HIPK1: variants seen among roughly 807,000 people sequenced by gnomAD.
The protein encoded by HIPK1 is homeodomain-interacting protein kinase 1.
In HIPK1, 28 loss-of-function variants were observed where a neutral mutation model predicts 117.1. The observed-to-expected ratio is 0.24, with a 90% CI of 0.18 to 0.33. The LOEUF (loss-of-function observed/expected upper bound fraction) is 0.33, where lower values mean the gene tolerates loss of function less well. Ranked by LOEUF, HIPK1 falls within the 10% of genes least tolerant of loss-of-function variation. HIPK1 has a pLI of 1.00. For missense variants in HIPK1, 1,122 were observed against 1,475.1 expected, an observed-to-expected ratio of 0.76 and a Z score of 3.92; for synonymous variants, 605 against 562.5, an observed-to-expected ratio of 1.08 and a Z score of -1.07.
intron 1 of HIPK1, among the ~76,000 whole-genome samples, chr1:113,933,940 G>C (rs557129004): frequency 1.5e-4 from 23 of 152,248 alleles, no homozygotes; most frequent in African/African-American, 5.1e-4. Flanking sequence ...AGTAGGGGTG[G>C]AGAAAACTTA....
intron 1 of HIPK1, chr1:113,930,067 G>T: frequency 1.0e-6 from 1 of 964,050 alleles, no homozygotes; most frequent in Non-Finnish European, 1.2e-6. Flanking sequence ...TCCTCAAAGG[G>T]CCCCTGCCTG....
intron 6 of HIPK1, 56 bp downstream of exon 6, chr1:113,956,867 C>T: frequency 6.7e-7 from 1 of 1,490,576 alleles, no homozygotes; most frequent in Non-Finnish European, 9.3e-7. Flanking sequence ...GAGTTACCGC[C>T]TTATCAATGG....
In HIPK1 at chr1:113,941,561, T is replaced by C. The variant is rs146324685; in HGVS notation, c.1076+102T>C. ...ATATAGCAATGAATTTGTTTATAGA[T>C]TCTGAGATAGAAATAGGATATGTTT... On this transcript the variant is annotated intron_variant, in intron 2 of 15. Coordinates refer to ENST00000426820, the MANE Select transcript of HIPK1 (RefSeq NM_198268.3). The surrounding 1 kb of genome is among the most constrained non-coding windows in gnomAD (Gnocchi z 4.9). 1.7e-4 allele frequency: 150 copies of C among 880,864 alleles called. 1 individual carries two copies. In the African/African-American group the frequency reaches 2.3e-3, roughly 14 times the overall value. 54.6% of individuals were successfully genotyped at this position (880,864 alleles called of 1,614,324 possible).
chr1:113,935,031 A>T (rs1448886497), intron 1 of HIPK1, among the ~76,000 whole-genome samples: 4 of 144,286 alleles, frequency 2.8e-5, no homozygotes, highest in Admixed American at 2.1e-4. Flanking sequence ...TTTTTTTTTT[A>T]AACCTTTATT....
rs765342774 is a variant in HIPK1 at position 113,967,768 on chromosome 1, A to T, written c.2384A>T (p.Asn795Ile). ...TCTCTTTCTTTCTGTTGGTACAGGA[A>T]TGCCCACTCTCATGGCAACCAGTAC... ...GSGQQLADWR[N>I]AHSHGNQYST... Residue 795 changes from asparagine to isoleucine, a missense_variant and splice_region_variant, in exon 12 of 16, where the codon AAT (asparagine) becomes ATT (isoleucine). Physicochemically the swap from Asn to Ile is moderately radical, Grantham distance 149. This residue lies in a region of HIPK1 where 731 missense variants were observed against 860.4 expected (regional missense o/e 0.85). Transcript: ENST00000426820. The T allele has an allele frequency of 3.3e-6, 5 of 1,521,482 alleles. No homozygotes were observed. The highest frequency in any genetic ancestry group is 1.8e-4 in the Middle Eastern group (1 of 5,580). The allele number at this position is 1,521,482 out of a possible 1,614,324, so 94.2% of individuals were successfully genotyped here. A position where few individuals can be genotyped will look rare whatever the true frequency, so the allele number is the denominator to read the frequency against.
At chr1:113,934,419 G>A (rs537397387) in intron 1 of HIPK1, among the ~76,000 whole-genome samples, 1 of 152,126 alleles carries the variant, frequency 6.6e-6, no homozygotes, top group East Asian at 1.9e-4. Context: ...ACCATGCCAG[G>A]GAGTGGGAAA....
chr1:113,960,920 T>C (rs1350523511), intron 8 of HIPK1, among the ~76,000 whole-genome samples: 1 of 152,212 alleles, frequency 6.6e-6, no homozygotes. Context: ...GTTAGGTCTA[T>C]GAGTTATGCT....
In HIPK1 at chr1:113,950,135, A is replaced by G. The variant is rs560901226; in HGVS notation, c.1077-2631A>G. 1.4e-4 allele frequency among the ~76,000 whole-genome samples: 21 copies of G among 151,624 alleles called. No homozygotes were observed. The East Asian group carries it at 3.5e-3, about 25-fold the overall frequency. ...TAGGGGAGGATTTTTTTTTTCTTCT[A>G]TGCCTAGTTTGCTTAGATGGGGAGG... On this transcript the variant is annotated intron_variant, in intron 2 of 15. Transcript: ENST00000426820.
At chr1:113,953,508 A>C (rs865839370) in intron 3 of HIPK1, among the ~76,000 whole-genome samples, 4 of 151,876 alleles carry the variant, frequency 2.6e-5, no homozygotes, top group Non-Finnish European at 4.4e-5. Context: ...ATTTCTTGTT[A>C]TTTTTTCTTT....
At chr1:113,972,169 G>C (rs956139091) in intron 15 of HIPK1, 2 of 1,368,592 alleles carry the variant, frequency 1.5e-6, no homozygotes, top group East Asian at 2.6e-5. Flanking sequence ...TTTTCCATCA[G>C]ACCTCCCTAA....
chr1:113,944,903 A>G (rs1003516437), intron 2 of HIPK1, among the ~76,000 whole-genome samples: 7 of 152,178 alleles, frequency 4.6e-5, no homozygotes, highest in South Asian at 2.1e-4. Context: ...GCTGGGGTGC[A>G]GTTGTGCAAT....
At chr1:113,935,236 G>A (rs1000042630) in intron 1 of HIPK1, among the ~76,000 whole-genome samples, 1 of 152,074 alleles carries the variant, frequency 6.6e-6, no homozygotes, top group African/African-American at 2.4e-5. Context: ...GTGTCCATGT[G>A]TTCTCGTTCT....
rs1672729360 is a variant in HIPK1, at chr1:113,970,192, C to T, written c.3008C>T (p.Ala1003Val). ...GGTGACTGCACTGTAGCAACCCAGG[C>T]CTCAGGTCAGTGTTATCTTCACAGC... ...QLGDCTVATQ[A>V]SGLLSNKTKP... Residue 1003 changes from alanine to valine, a missense_variant, in exon 14 of 16, where the codon GCC becomes GTC. Physicochemically the swap from Ala to Val is moderately conservative, Grantham distance 64. This residue lies in a region of HIPK1 where 731 missense variants were observed against 860.4 expected (regional missense o/e 0.85). Coordinates refer to ENST00000426820, the MANE Select transcript of HIPK1 (RefSeq NM_198268.3). The T allele has an allele frequency of 6.2e-7, 1 of 1,614,002 alleles. No homozygotes were observed. The highest frequency in any genetic ancestry group is 1.3e-5 in the African/African-American group (1 of 74,922).
Position 113,966,112 on chromosome 1 carries a change from A to T in HIPK1, c.2239-18A>T. The T allele has an allele frequency of 1.2e-6, 2 of 1,604,508 alleles. No homozygotes were observed. Among genetic ancestry groups the T allele is most frequent in the South Asian group, 1.1e-5 (1 of 89,184 alleles). On this transcript the variant is annotated intron_variant, in intron 10 of 15. Transcript: ENST00000426820. ...AATGAATCAAGTCTGGATGTTTTTT[A>T]TGTGTGTTTCCTTACAGCAGGCGTG...
rs1673192333 is a variant in HIPK1 at position 113,977,379 on chromosome 1, T to G, written c.*3867T>G. On this transcript the variant is annotated 3_prime_UTR_variant, in exon 16 of 16. Transcript: ENST00000426820. ...TACATTATATGTACATTATATGTAA[T>G]GTTAGTATTTCTGCTTTGAATCCTT... 1 of 152,800 alleles carries G rather than the reference T, an allele frequency of 6.5e-6. No homozygotes were observed. Among genetic ancestry groups the G allele is most frequent in the African/African-American group, 2.4e-5 (1 of 41,458 alleles). 9.5% of individuals were successfully genotyped at this position (152,800 alleles called of 1,614,324 possible).
rs373808693 is a variant in HIPK1, at chr1:113,958,217, C to T, written c.1907C>T (p.Pro636Leu). ...GVAQQGVSLQ[P>L]GTTQICTQTD... ...GCCCAGCAGGGTGTTTCCTTGCAGC[C>T]TGGAACCACCCAGATTTGCACTCAG... The change falls in exon 8 of 16, where the codon CCT (proline) becomes CTT (leucine). Residue 636 changes from proline to leucine, a missense_variant. By Grantham distance (98) the Pro-to-Leu change is moderately conservative (BLOSUM62 -3). Coordinates refer to ENST00000426820, the MANE Select transcript of HIPK1 (RefSeq NM_198268.3). The T allele has an allele frequency of 6.2e-7, 1 of 1,614,012 alleles. No individual in the cohort carries two copies. Among genetic ancestry groups the T allele is most frequent in the African/African-American group, 1.3e-5 (1 of 74,912 alleles).
At chr1:113,971,737 A>G (rs1314305972) in intron 14 of HIPK1, 87 bp from the exon 15 acceptor site, 9 of 1,307,846 alleles carry the variant, frequency 6.9e-6, no homozygotes, top group African/African-American at 1.5e-5. Context: ...TGCAAACTAC[A>G]TACAGATGTG....
intron 10 of HIPK1, among the ~76,000 whole-genome samples, chr1:113,963,958 G>A (rs998963510): frequency 1.3e-5 from 2 of 152,186 alleles, no homozygotes; most frequent in African/African-American, 4.8e-5. Context: ...AATTGAGCTC[G>A]TTGGCAAGAT....
intron 13 of HIPK1, among the ~76,000 whole-genome samples, chr1:113,969,338 A>G (rs987676297): frequency 9.9e-5 from 15 of 152,110 alleles, no homozygotes; most frequent in African/African-American, 3.6e-4. Context: ...CTGGGTCTGA[A>G]TCCTGTCTTC....
Sources: allele counts gnomAD v4.1 joint callset (sites outside exome capture counted in the v4.1 genomes callset), GRCh38; gene constraint gnomAD v4.1.1; regional missense constraint gnomAD v4.1.1; non-coding constraint Gnocchi (gnomAD v3.1); transcripts MANE v1.5; gene names NCBI Gene and HGNC (gene_info 2026-07-23, HGNC 2026-07-21).